The following MMAA variants were observed in gnomAD, a reference collection of about 807,000 sequenced individuals.
MMAA encodes the protein methylmalonic aciduria type A protein, mitochondrial.
A neutral mutation model predicts 45.0 loss-of-function variants in MMAA; 41 were observed. That is an observed-to-expected ratio of 0.91 (90% CI 0.71 to 1.18). The LOEUF is 1.18. Ranked by LOEUF, MMAA falls within the 50% of genes most tolerant of loss-of-function variation. The pLI is 0.00. For missense variants in MMAA, 460 were observed against 495.7 expected (o/e 0.93, Z 0.68); for synonymous variants, 154 against 178.2 (o/e 0.86, Z 1.08).
intron 1 of MMAA, among the ~76,000 whole-genome samples, chr4:145,626,799 C>T (rs1056680935): frequency 2.0e-5 from 3 of 152,160 alleles, no homozygotes; most frequent in African/African-American, 7.2e-5. Flanking sequence ...CACGATGCCT[C>T]ACACATGATA....
chr4:145,625,911 T>G, intron 1 of MMAA: 1 of 1,580,742 alleles, frequency 6.3e-7, no homozygotes. Context: ...CAAGTTATCT[T>G]TAATTTGCTG....
chr4:145,642,569 C>A, intron 3 of MMAA, 84 bp downstream of exon 3: 1 of 1,573,998 alleles, frequency 6.4e-7, no homozygotes, highest in South Asian at 1.1e-5. Context: ...AGTTGGGTGA[C>A]CTCTAACTGC....
At chr4:145,622,120 C>T (rs1734100403) in intron 1 of MMAA, among the ~76,000 whole-genome samples, 1 of 152,126 alleles carries the variant, frequency 6.6e-6, no homozygotes, top group Middle Eastern at 3.2e-3. Context: ...AATTGTAACT[C>T]CCACAATCCC....
chr4:145,621,484 G>T (rs1008167176), intron 1 of MMAA, among the ~76,000 whole-genome samples: 1 of 152,186 alleles, frequency 6.6e-6, no homozygotes, highest in South Asian at 2.1e-4. Flanking sequence ...CTTAACTCAT[G>T]ATGACCTATT....
chr4:145,635,723 A>G (rs574098676), intron 1 of MMAA, among the ~76,000 whole-genome samples: 5 of 152,276 alleles, frequency 3.3e-5, no homozygotes, highest in East Asian at 3.9e-4. Flanking sequence ...CTATGGGACA[A>G]TAGGACTAGA....
At chr4:145,620,378 T>C (rs979968041) in intron 1 of MMAA, among the ~76,000 whole-genome samples, 1 of 152,212 alleles carries the variant, frequency 6.6e-6, no homozygotes, top group African/African-American at 2.4e-5. Context: ...TTATTTAGAA[T>C]GGAAAGAGCT....
Position 145,628,144 on chromosome 4 carries a change from GATA to G in MMAA, c.-66+8743_-66+8745del, listed in dbSNP as rs373746214. Among the ~76,000 whole-genome samples the G allele has an allele frequency of 2.8e-4, 43 of 152,298 alleles. No homozygotes were observed. The East Asian group carries it at 7.7e-3, about 27-fold the overall frequency. ...GAAGCAAGTTACAGGTTATGGCAAAGATAATAATTAAATCATGAGTAGTTATTA... is the reference window on the plus strand; with the variant it reads ...GAAGCAAGTTACAGGTTATGGCAAAGATAATTAAATCATGAGTAGTTATTA... On this transcript the variant is annotated intron_variant, in intron 1 of 6. Transcript: ENST00000649156.
intron 2 of MMAA, 146 bp from the exon 3 acceptor site, chr4:145,642,217 C>A: frequency 3.3e-6 from 3 of 916,798 alleles, no homozygotes; most frequent in Non-Finnish European, 5.0e-6. Flanking sequence ...TTTTTATTTG[C>A]CATTTTAGGA....
At chr4:145,625,536 A>G in intron 1 of MMAA, 1 of 749,222 alleles carries the variant, frequency 1.3e-6, no homozygotes, top group Non-Finnish European at 2.5e-6. Flanking sequence ...AGCATAAGCC[A>G]TCAAGTGCTC....
chr4:145,636,788 G>A (rs1727622514), intron 1 of MMAA, among the ~76,000 whole-genome samples: 1 of 152,146 alleles, frequency 6.6e-6, no homozygotes, highest in South Asian at 2.1e-4. Flanking sequence ...TTGATGTCAC[G>A]TATTTTATTC....
At chr4:145,636,146 T>G (rs1447753717) in intron 1 of MMAA, among the ~76,000 whole-genome samples, 1 of 152,190 alleles carries the variant, frequency 6.6e-6, no homozygotes, top group East Asian at 1.9e-4. Context: ...ATGAAATAAG[T>G]TCAGATCAGC....
In MMAA at chr4:145,639,197, C is replaced by G. The variant is rs762251343; in HGVS notation, c.58C>G (p.Pro20Ala). The change falls in exon 2 of 7, where the codon CCT (proline) becomes GCT (alanine). Residue 20 changes from proline to alanine, a missense_variant. Transcript: ENST00000649156. The part of the protein sequence containing the change: ...QHFLKGLLRA[P>A]FRCYHFIFHS... ...TTTCCTAAAAGGCCTTTTAAGAGCA[C>G]CTTTCCGATGTTACCACTTCATCTT... 6.2e-7 allele frequency: 1 copy of G among 1,614,172 alleles called. No homozygotes were observed. Among genetic ancestry groups the G allele is most frequent in the South Asian group, 1.1e-5 (1 of 91,078 alleles).
At chr4:145,650,876 G>A in intron 4 of MMAA, 186 bp from the exon 5 acceptor site, 2 of 636,484 alleles carry the variant, frequency 3.1e-6, no homozygotes, top group Non-Finnish European at 5.7e-6. Context: ...AGGATAACGG[G>A]TTTGCTTAGA....
At chr4:145,627,298 G>A (rs1023623453) in intron 1 of MMAA, among the ~76,000 whole-genome samples, 6 of 152,128 alleles carry the variant, frequency 3.9e-5, no homozygotes, top group Admixed American at 1.3e-4. Flanking sequence ...TTTCTGTTTG[G>A]AAGGTTGGTT....
Position 145,655,255 on chromosome 4 carries a change from C to T in MMAA, c.1078C>T (p.Arg360Trp), listed in dbSNP as rs6812252. Residue 360 changes from arginine (R) to tryptophan (W), a missense_variant, in exon 7 of 7, where the codon CGG (arginine) becomes TGG (tryptophan). Arg to Trp is a moderately radical substitution (Grantham distance 101, BLOSUM62 -3). Coordinates refer to ENST00000649156, the MANE Select transcript of MMAA (RefSeq NM_172250.3). ...CAGTGGGGAGCTGACTGCCAAACGA[C>T]GGAAGCAACAGAAAGTTTGGATGTG... is the stretch of plus-strand genomic sequence containing the variant. Reference protein sequence around the residue: ...LASGELTAKRRKQQKVWMWNL... With the variant: ...LASGELTAKRWKQQKVWMWNL... The T allele has an allele frequency of 1.5e-4, 245 of 1,614,068 alleles. No individual in the cohort carries two copies. The highest frequency in any genetic ancestry group is 2.2e-4 in the Admixed American group (13 of 60,006).
chr4:145,639,236 CA>C lies in MMAA; in HGVS notation c.98del (p.His33LeufsTer29). The C allele has an allele frequency of 6.2e-7, 1 of 1,614,150 alleles. No homozygotes were observed. The highest frequency in any genetic ancestry group is 8.5e-7 in the Non-Finnish European group (1 of 1,180,012). The stretch of plus-strand genomic sequence containing the variant: ...CCACTTCATCTTTCACTCAAGTACT[CA>C]TCTCGGATCAGGAATCCCATGTGCT... ...CYHFIFHSST[H>X]LGSGIPCAQP... On this transcript the variant is annotated frameshift_variant, in exon 2 of 7. Coordinates refer to ENST00000649156, the MANE Select transcript of MMAA (RefSeq NM_172250.3). LOFTEE classifies it high-confidence loss of function.
At position 145,655,398 on chromosome 4, in the gene MMAA, A is replaced by G. The variant is rs767115507; in HGVS notation, c.1221A>G (p.Ala407=). 28 of 1,613,138 alleles carry G rather than the reference A, an allele frequency of 1.7e-5. No individual in the cohort carries two copies. In the African/African-American group the frequency reaches 2.5e-4, roughly 15 times the overall value. ...GGGCCCTGTCCCCAGGACTAGCAGC[A>G]GACTTCTTGTTAAAAGCTTTTAAAA... The part of the protein sequence containing the change: ...LIGALSPGLA[A]DFLLKAFKSR... Residue 407 remains alanine, a synonymous_variant, in exon 7 of 7, where the codon GCA becomes GCG. Transcript: ENST00000649156.
In MMAA at chr4:145,659,790, T is replaced by G. The variant is rs1230807316; in HGVS notation, c.*4356T>G. 1 of 152,222 alleles carries G rather than the reference T, an allele frequency of 6.6e-6. No homozygotes were observed. Among genetic ancestry groups the G allele is most frequent in the African/African-American group, 2.4e-5 (1 of 41,456 alleles). 9.4% of individuals were successfully genotyped at this position (152,222 alleles called of 1,614,324 possible). A position where few individuals can be genotyped will look rare whatever the true frequency, so the allele number is the denominator to read the frequency against. ...TTAGCATATCTATCATCTCGTGCATTTATCATTTCTTTGTGGCGAGAACAT... is the reference window on the plus strand; with the variant it reads ...TTAGCATATCTATCATCTCGTGCATGTATCATTTCTTTGTGGCGAGAACAT... On this transcript the variant is annotated 3_prime_UTR_variant, in exon 7 of 7. Transcript: ENST00000649156.
intron 3 of MMAA, among the ~76,000 whole-genome samples, chr4:145,644,273 T>G (rs1015641626): frequency 7.2e-5 from 11 of 152,188 alleles, no homozygotes; most frequent in African/African-American, 2.7e-4. Context: ...GGCAGATTGT[T>G]TACTTACACA....
Sources: allele counts gnomAD v4.1 joint callset (sites outside exome capture counted in the v4.1 genomes callset), GRCh38; gene constraint gnomAD v4.1.1; transcripts MANE v1.5; gene names NCBI Gene and HGNC (gene_info 2026-07-23, HGNC 2026-07-21).